MYO10: variants seen among roughly 807,000 people sequenced by gnomAD.
MYO10 encodes the protein unconventional myosin-X.
Under a neutral mutation model 257.3 loss-of-function variants are expected in MYO10, and 133 were observed. The observed-to-expected ratio is 0.52, with a 90% CI of 0.45 to 0.60. MYO10 has a LOEUF of 0.60. MYO10 is among the 20% of genes least tolerant of loss of function. The pLI, the probability that MYO10 is intolerant of heterozygous loss-of-function variation, is 0.00. For missense variants in MYO10, 2,399 were observed against 2,635.7 expected, an observed-to-expected ratio of 0.91 and a Z score of 1.97; for synonymous variants, 1,104 against 1,028.6, an observed-to-expected ratio of 1.07 and a Z score of -1.40.
intron 2 of MYO10, among the ~76,000 whole-genome samples, chr5:16,830,757 G>A (rs1271752587): frequency 6.6e-6 from 1 of 151,270 alleles, no homozygotes; most frequent in African/African-American, 2.4e-5. Flanking sequence ...AAAAAAACTT[G>A]CACACAAATA....
At chr5:16,742,862 T>C (rs922102905) in intron 19 of MYO10, among the ~76,000 whole-genome samples, 4 of 151,020 alleles carry the variant, frequency 2.6e-5, no homozygotes, top group African/African-American at 9.7e-5. Context: ...GGCTCACGCC[T>C]GTAATCCCAG....
intron 2 of MYO10, among the ~76,000 whole-genome samples, chr5:16,821,016 T>A (rs1324464371): frequency 1.4e-5 from 2 of 147,484 alleles, no homozygotes; most frequent in East Asian, 2.0e-4. Context: ...ATACCTTATA[T>A]CCTAATATAT....
At position 16,900,612 on chromosome 5, in the gene MYO10, G is replaced by A. The variant is rs200865832; in HGVS notation, c.22-22905C>T. Among the ~76,000 whole-genome samples, 28 of 152,138 alleles carry A rather than the reference G, an allele frequency of 1.8e-4. No individual in the cohort carries two copies. In the East Asian group the frequency reaches 3.9e-3, roughly 21 times the overall value. Reference sequence around the variant, plus strand: ...CGGTGACAATTGGATAGAGCAGCCAGGCCATCTGTTCTCACCACCTCCCAG... The same window carrying A: ...CGGTGACAATTGGATAGAGCAGCCAAGCCATCTGTTCTCACCACCTCCCAG... On this transcript the variant is annotated intron_variant, in intron 1 of 40. Transcript: ENST00000513610.
chr5:16,884,156 C>T (rs1744833032), intron 1 of MYO10, among the ~76,000 whole-genome samples: 1 of 152,146 alleles, frequency 6.6e-6, no homozygotes, highest in Admixed American at 6.5e-5. Context: ...TCTGGGAGAC[C>T]GAGGCAGGCG....
At chr5:16,885,308 G>A (rs927925490) in intron 1 of MYO10, among the ~76,000 whole-genome samples, 1 of 151,794 alleles carries the variant, frequency 6.6e-6, no homozygotes, top group Middle Eastern at 3.2e-3. Context: ...CCAAATGCTT[G>A]CAAACCCCAG....
chr5:16,844,750 T>C (rs716555), intron 2 of MYO10, among the ~76,000 whole-genome samples: 16,417 of 150,100 alleles, frequency 0.11, 1,143 homozygotes, highest in East Asian at 0.28. Context: ...ACAAATACCA[T>C]TGTAGACTAG....
At chr5:16,743,339 G>A (rs551205575) in intron 19 of MYO10, among the ~76,000 whole-genome samples, 2 of 152,000 alleles carry the variant, frequency 1.3e-5, no homozygotes, top group South Asian at 4.2e-4. Context: ...GTTCTATAGT[G>A]AGCAACAGAA....
chr5:16,832,251 T>C (rs1743184085), intron 2 of MYO10, among the ~76,000 whole-genome samples: 1 of 152,110 alleles, frequency 6.6e-6, no homozygotes. Context: ...TTGTAGGTGT[T>C]TTTAATACTT....
intron 22 of MYO10, among the ~76,000 whole-genome samples, chr5:16,704,182 A>G (rs967572613): frequency 6.6e-6 from 1 of 151,922 alleles, no homozygotes; most frequent in Non-Finnish European, 1.5e-5. Flanking sequence ...TTAATTAGCC[A>G]GGCATGGTGG....
At chr5:16,881,304 C>T (rs1204444866) in intron 1 of MYO10, among the ~76,000 whole-genome samples, 3 of 152,228 alleles carry the variant, frequency 2.0e-5, no homozygotes, top group Non-Finnish European at 2.9e-5. Context: ...CCATCCAGAA[C>T]ATATTTTTTC....
At chr5:16,763,455 G>T in intron 14 of MYO10, 26 bp downstream of exon 14, 2 of 1,581,440 alleles carry the variant, frequency 1.3e-6, no homozygotes, top group Non-Finnish European at 1.7e-6. Context: ...CCTTGGGACT[G>T]TAACCATTCT....
At chr5:16,700,025 C>T (rs1323508459) in intron 25 of MYO10, among the ~76,000 whole-genome samples, 1 of 152,138 alleles carries the variant, frequency 6.6e-6, no homozygotes, top group Non-Finnish European at 1.5e-5. Context: ...CAAGAGTTCA[C>T]CCCCTCTGAA....
At chr5:16,919,501 C>T (rs1038175513) in intron 1 of MYO10, among the ~76,000 whole-genome samples, 1 of 152,182 alleles carries the variant, frequency 6.6e-6, no homozygotes, top group Non-Finnish European at 1.5e-5. Context: ...GCTGTGTGAA[C>T]TTGAGCAGAC....
At chr5:16,876,228 G>C (rs1724961816) in intron 2 of MYO10, among the ~76,000 whole-genome samples, 1 of 152,092 alleles carries the variant, frequency 6.6e-6, no homozygotes, top group African/African-American at 2.4e-5. Flanking sequence ...CTGAGGTAGA[G>C]GCCAATTTAT....
At position 16,670,959 on chromosome 5, in the gene MYO10, T is replaced by A; in HGVS notation, c.5450A>T (p.His1817Leu). 1 of 1,610,406 alleles carries A rather than the reference T, an allele frequency of 6.2e-7. No individual in the cohort carries two copies. Among genetic ancestry groups the A allele is most frequent in the Non-Finnish European group, 8.5e-7 (1 of 1,177,006 alleles). ...TTCTTCCGGGGCTGGATGGTGGCCATGGATAACCGCTTCGTGGGCCTGAAA... is the reference window on the plus strand; with the variant it reads ...TTCTTCCGGGGCTGGATGGTGGCCAAGGATAACCGCTTCGTGGGCCTGAAA... ...MFEQAHEAVI[H>L]GHHPAPEENL... Residue 1817 changes from histidine (H) to leucine (L), a missense_variant, in exon 39 of 41, where the codon CAT becomes CTT. This residue lies in a region of MYO10 where 1,820 missense variants were observed against 1,939.4 expected (regional missense o/e 0.94). Coordinates refer to ENST00000513610, the MANE Select transcript of MYO10 (RefSeq NM_012334.3).
chr5:16,860,850 T>C (rs956895667), intron 2 of MYO10, among the ~76,000 whole-genome samples: 3 of 151,960 alleles, frequency 2.0e-5, no homozygotes, highest in Admixed American at 6.6e-5. Context: ...TAAGAAAGGA[T>C]GGCCAAAAAG....
chr5:16,729,548 T>C (rs768970531), intron 19 of MYO10, among the ~76,000 whole-genome samples: 1 of 150,332 alleles, frequency 6.7e-6, no homozygotes, highest in Non-Finnish European at 1.5e-5. Flanking sequence ...GCCTCCCGGG[T>C]TCACACCATT....
chr5:16,709,444 G>A (rs575867834), intron 21 of MYO10, among the ~76,000 whole-genome samples: 52 of 152,280 alleles, frequency 3.4e-4, no homozygotes, highest in African/African-American at 1.2e-3. Context: ...ACAACCCTAC[G>A]CTGGAGCATG....
In MYO10 at chr5:16,666,628, G is replaced by A; in HGVS notation, c.*64C>T. On this transcript the variant is annotated 3_prime_UTR_variant, in exon 41 of 41. Transcript: ENST00000513610. ...TGTTTTGGCTGGGCATGGCACACTG[G>A]AGCCAGCCTAGGCCAGAGGGTGGTG... 1.4e-6 allele frequency: 2 copies of A among 1,403,286 alleles called. No individual in the cohort carries two copies. Among genetic ancestry groups the A allele is most frequent in the Non-Finnish European group, 1.9e-6 (2 of 1,032,090 alleles). 86.9% of individuals were successfully genotyped at this position (1,403,286 alleles called of 1,614,324 possible).
Sources: gnomAD v4.1 joint callset for allele counts (sites outside exome capture counted in the v4.1 genomes callset) on GRCh38, gnomAD v4.1.1 for gene constraint, gnomAD v4.1.1 regional missense constraint, MANE v1.5 for transcripts, NCBI Gene and HGNC (gene_info 2026-07-23, HGNC 2026-07-21) for gene names.